TENM3: variants seen among roughly 807,000 people sequenced by gnomAD.
The protein encoded by TENM3 is teneurin-3.
Under a neutral mutation model 255.1 loss-of-function variants are expected in TENM3, and 63 were observed. That is an observed-to-expected ratio of 0.25 (90% confidence interval 0.20 to 0.30). TENM3 has a LOEUF of 0.30. Among genes scored for constraint, TENM3 ranks in the 10% least tolerant of loss-of-function variants. TENM3 has a pLI of 1.00. For synonymous variants in TENM3, 1,306 were observed against 1,322.3 expected, an observed-to-expected ratio of 0.99 and a Z score of 0.27; for missense variants, 2,929 against 3,461.1, an observed-to-expected ratio of 0.85 and a Z score of 3.86.
chr4:182,276,037 G>A (rs534061568), intron 1 of TENM3, among the ~76,000 whole-genome samples: 2 of 152,250 alleles, frequency 1.3e-5, no homozygotes, highest in Non-Finnish European at 2.9e-5. Context: ...GGTCAAGCAC[G>A]GCCTCTCTCA....
At chr4:182,370,399 A>G (rs1391774936) in intron 3 of TENM3, among the ~76,000 whole-genome samples, 2 of 152,194 alleles carry the variant, frequency 1.3e-5, no homozygotes, top group Admixed American at 6.5e-5. Flanking sequence ...TGGTAGTGGT[A>G]TTCAGGAAGA....
At chr4:182,112,041 C>T in the TENM3 span, among the ~76,000 whole-genome samples, 1 of 152,094 alleles carries the variant, frequency 6.6e-6, no homozygotes, top group Non-Finnish European at 1.5e-5. Flanking sequence ...TGTAATCCCA[C>T]GGCTTTAGGA....
At position 182,800,839 on chromosome 4, in the gene TENM3, C is replaced by T. The variant is rs2152842039; in HGVS notation, c.*488C>T. ...TTTCTAGACAACCCAACTGCTTTCC[C>T]TGTGCAGCTTTGTAGAAGGACATTG... On this transcript the variant is annotated 3_prime_UTR_variant, in exon 28 of 28. Coordinates refer to ENST00000511685, the MANE Select transcript of TENM3 (RefSeq NM_001080477.4). 6.5e-6 allele frequency: 1 copy of T among 153,348 alleles called. No homozygotes were observed. Among genetic ancestry groups the T allele is most frequent in the African/African-American group, 2.4e-5 (1 of 41,604 alleles). 9.5% of individuals were successfully genotyped at this position (153,348 alleles called of 1,614,324 possible).
chr4:181,608,383 G>A, the TENM3 span, among the ~76,000 whole-genome samples: 2 of 152,208 alleles, frequency 1.3e-5, no homozygotes, highest in Non-Finnish European at 2.9e-5. Flanking sequence ...GTCGTGCAGT[G>A]TATTGGAGGG....
At chr4:181,865,813 C>T in the TENM3 span, among the ~76,000 whole-genome samples, 1 of 152,062 alleles carries the variant, frequency 6.6e-6, no homozygotes, top group Non-Finnish European at 1.5e-5. Context: ...TGATTCTTAT[C>T]AAAATCCCCC....
the TENM3 span, among the ~76,000 whole-genome samples, chr4:181,862,748 G>T: frequency 6.6e-6 from 1 of 151,784 alleles, no homozygotes; most frequent in Non-Finnish European, 1.5e-5. Context: ...TTCTATTATC[G>T]TTCCTCAATT....
At chr4:182,575,474 C>T (rs993830570) in intron 3 of TENM3, among the ~76,000 whole-genome samples, 2 of 152,052 alleles carry the variant, frequency 1.3e-5, no homozygotes, top group South Asian at 4.1e-4. Context: ...AACTGTGTTA[C>T]GGAAGTAGAT....
intron 2 of TENM3, among the ~76,000 whole-genome samples, chr4:182,324,511 T>C (rs1763269386): frequency 6.6e-6 from 1 of 152,204 alleles, no homozygotes. Context: ...GGTTTATGAT[T>C]CTGCACGTGG....
At chr4:181,826,020 CATGCAAGAAAAACA>C in the TENM3 span, among the ~76,000 whole-genome samples, 3 of 152,124 alleles carry the variant, frequency 2.0e-5, no homozygotes, top group Non-Finnish European at 2.9e-5. Flanking sequence ...TAAAGAGACC[CATGCAAGAAAAACA>C]ATGAACTTAA....
At chr4:181,459,150 T>C in the TENM3 span, among the ~76,000 whole-genome samples, 1 of 151,946 alleles carries the variant, frequency 6.6e-6, no homozygotes, top group African/African-American at 2.4e-5. Context: ...CCCTAAAGAC[T>C]AAATACATTG....
chr4:181,664,048 G>C, the TENM3 span, among the ~76,000 whole-genome samples: 18 of 152,194 alleles, frequency 1.2e-4, no homozygotes, highest in Admixed American at 5.2e-4. Flanking sequence ...GTGGTTAAGA[G>C]ACTGGCCTCT....
the TENM3 span, among the ~76,000 whole-genome samples, chr4:181,615,999 A>T: frequency 6.4e-4 from 97 of 152,242 alleles, no homozygotes; most frequent in Non-Finnish European, 9.6e-4. Flanking sequence ...TTTTGTGGTT[A>T]TTAGAGCAGA....
chr4:181,641,552 G>GTATATA, the TENM3 span, among the ~76,000 whole-genome samples: 355 of 21,456 alleles, frequency 0.017, 3 homozygotes, highest in Middle Eastern at 0.038. Context: ...CATGGTGTGT[G>GTATATA]TGTATATATA....
chr4:182,405,857 G>A (rs1306580612), intron 3 of TENM3, among the ~76,000 whole-genome samples: 2 of 152,186 alleles, frequency 1.3e-5, no homozygotes, highest in African/African-American at 4.8e-5. Context: ...GAAAGCTGGA[G>A]GGTATGGAGG....
the TENM3 span, among the ~76,000 whole-genome samples, chr4:181,850,426 A>G: frequency 6.6e-6 from 1 of 152,054 alleles, no homozygotes; most frequent in Non-Finnish European, 1.5e-5. Flanking sequence ...CTTTCATATG[A>G]CATTTAAAAT....
At chr4:182,729,323 C>A in intron 14 of TENM3, 142 bp downstream of exon 14, 2 of 735,764 alleles carry the variant, frequency 2.7e-6, no homozygotes, top group Non-Finnish European at 4.4e-6. Flanking sequence ...GATTCTTCAC[C>A]AAACTTTGTA....
chr4:181,564,147 T>C, the TENM3 span, among the ~76,000 whole-genome samples: 1 of 151,334 alleles, frequency 6.6e-6, no homozygotes, highest in South Asian at 2.1e-4. Context: ...TTCAAGTGAT[T>C]CTCCTGCCTC....
chr4:182,173,619 A>G (rs908392597), intron 1 of TENM3, among the ~76,000 whole-genome samples: 1 of 152,226 alleles, frequency 6.6e-6, no homozygotes, highest in African/African-American at 2.4e-5. Context: ...CCGACAGCCT[A>G]TACCGAAGGC....
the TENM3 span, among the ~76,000 whole-genome samples, chr4:182,053,898 T>C: frequency 1.3e-5 from 2 of 152,014 alleles, 1 homozygote; most frequent in African/African-American, 4.8e-5. Context: ...CTCTCTGGGG[T>C]CCATGGGTCT....
Sources: allele counts gnomAD v4.1 joint callset (sites outside exome capture counted in the v4.1 genomes callset), GRCh38; gene constraint gnomAD v4.1.1; transcripts MANE v1.5; gene names NCBI Gene and HGNC (gene_info 2026-07-23, HGNC 2026-07-21).